The following MAP3K13 variants were observed in gnomAD, a reference collection of about 807,000 sequenced individuals.
MAP3K13 encodes the protein leucine zipper-bearing kinase.
Under a neutral mutation model 104.0 loss-of-function variants are expected in MAP3K13, and 52 were observed. The observed-to-expected ratio is 0.50, with a 90% CI of 0.40 to 0.63. The LOEUF is 0.63. Among genes scored for constraint, MAP3K13 ranks in the 20% least tolerant of loss-of-function variants. MAP3K13 has a pLI of 0.00. For synonymous variants in MAP3K13, 394 were observed against 442.2 expected (o/e 0.89, Z 1.37); for missense variants, 914 against 1,218.5 (o/e 0.75, Z 3.72).
At chr3:185,319,628 GGCTAGATACCA>G (rs1721790500) in intron 2 of MAP3K13, among the ~76,000 whole-genome samples, 1 of 152,148 alleles carries the variant, frequency 6.6e-6, no homozygotes, top group South Asian at 2.1e-4. Flanking sequence ...AGTCCTTCTA[GGCTAGATACCA>G]AATTGCATGG....
At chr3:185,306,711 T>A (rs1350849514) in intron 2 of MAP3K13, among the ~76,000 whole-genome samples, 4 of 152,184 alleles carry the variant, frequency 2.6e-5, no homozygotes, top group Non-Finnish European at 4.4e-5. Context: ...TTTGTGAATA[T>A]TTTCTCCCAT....
intron 13 of MAP3K13, among the ~76,000 whole-genome samples, chr3:185,481,042 G>A (rs1013755056): frequency 6.6e-6 from 1 of 152,176 alleles, no homozygotes; most frequent in Non-Finnish European, 1.5e-5. Flanking sequence ...GTAAGTAGAC[G>A]TACAGAGATC....
chr3:185,347,806 C>T (rs1321072111), intron 2 of MAP3K13, among the ~76,000 whole-genome samples: 4 of 151,924 alleles, frequency 2.6e-5, no homozygotes, highest in Non-Finnish European at 5.9e-5. Flanking sequence ...GTCAGGAGTT[C>T]GAGAACAGCC....
chr3:185,469,821 A>G (rs1352950057), intron 10 of MAP3K13, among the ~76,000 whole-genome samples: 1 of 152,202 alleles, frequency 6.6e-6, no homozygotes, highest in Non-Finnish European at 1.5e-5. Flanking sequence ...TGTGCCTTCA[A>G]GTTTGAACTC....
intron 1 of MAP3K13, among the ~76,000 whole-genome samples, chr3:185,391,898 T>G (rs1023408493): frequency 4.6e-5 from 7 of 152,142 alleles, no homozygotes; most frequent in African/African-American, 1.7e-4. Context: ...TCTATTTAAG[T>G]ATAACCTGTG....
At chr3:185,455,016 T>TGA (rs1208622133) in intron 7 of MAP3K13, among the ~76,000 whole-genome samples, 1 of 75,800 alleles carries the variant, frequency 1.3e-5, no homozygotes, top group African/African-American at 4.7e-5. Flanking sequence ...GAGATATATA[T>TGA]GATATATATG....
At chr3:185,460,925 T>G (rs1463841020) in intron 7 of MAP3K13, among the ~76,000 whole-genome samples, 1 of 152,242 alleles carries the variant, frequency 6.6e-6, no homozygotes, top group Non-Finnish European at 1.5e-5. Flanking sequence ...AGGGAGGTAC[T>G]CCTTTTCTCG....
intron 3 of MAP3K13, among the ~76,000 whole-genome samples, chr3:185,441,903 T>C (rs1715342501): frequency 6.6e-6 from 1 of 152,010 alleles, no homozygotes. Context: ...TAGCTGGGTG[T>C]GGTGGTGGGC....
rs760704918 is a variant in MAP3K13, at chr3:185,454,524, CAT to C, written c.1278+3136_1278+3137del. Among the ~76,000 whole-genome samples, 254 of 32,356 alleles carry C rather than the reference CAT, an allele frequency of 7.9e-3. 8 individuals carry two copies. Among genetic ancestry groups the C allele is most frequent in the African/African-American group, 0.018 (235 of 12,718 alleles). The allele number at this position is 32,356 out of a possible 152,430, so 21.2% of individuals were successfully genotyped here. On this transcript the variant is annotated intron_variant, in intron 7 of 13. Coordinates refer to ENST00000265026, the MANE Select transcript of MAP3K13 (RefSeq NM_004721.5). ...TATATGAGATATATATGATATATAC[CAT>C]ATATATGAGATATATATATGATATA... is the stretch of plus-strand genomic sequence containing the variant.
At chr3:185,345,154 A>AC (rs1237661525) in intron 2 of MAP3K13, among the ~76,000 whole-genome samples, 3 of 152,066 alleles carry the variant, frequency 2.0e-5, no homozygotes, top group Non-Finnish European at 4.4e-5. Flanking sequence ...GAGCCACTGC[A>AC]CCCGGCCCCA....
At chr3:185,314,758 C>G (rs959544663) in intron 2 of MAP3K13, among the ~76,000 whole-genome samples, 3 of 152,178 alleles carry the variant, frequency 2.0e-5, no homozygotes, top group African/African-American at 7.2e-5. Flanking sequence ...CTGCCTCAGC[C>G]TCCCAAGTAG....
intron 2 of MAP3K13, among the ~76,000 whole-genome samples, chr3:185,352,023 G>A (rs562408106): frequency 2.6e-5 from 4 of 152,260 alleles, no homozygotes; most frequent in African/African-American, 9.6e-5. Flanking sequence ...AACAAGACCC[G>A]GAAGTTGCAA....
intron 2 of MAP3K13, among the ~76,000 whole-genome samples, chr3:185,316,099 ATTATT>A (rs1416206488): frequency 6.6e-6 from 1 of 152,172 alleles, no homozygotes; most frequent in African/African-American, 2.4e-5. Context: ...TTGAAAAAAA[ATTATT>A]TTATTGGAAT....
At chr3:185,434,885 G>A (rs1282565358) in intron 2 of MAP3K13, among the ~76,000 whole-genome samples, 1 of 152,172 alleles carries the variant, frequency 6.6e-6, no homozygotes, top group Non-Finnish European at 1.5e-5. Flanking sequence ...GCTGTTCAAA[G>A]ACGTACTGCT....
intron 2 of MAP3K13, among the ~76,000 whole-genome samples, chr3:185,355,968 G>C (rs542253436): frequency 6.6e-6 from 1 of 152,250 alleles, no homozygotes; most frequent in East Asian, 1.9e-4. Context: ...TCATTTAAGT[G>C]AACATTTAAG....
At chr3:185,465,670 C>A in intron 8 of MAP3K13, 77 bp from the exon 9 acceptor site, 1 of 943,294 alleles carries the variant, frequency 1.1e-6, no homozygotes, top group Non-Finnish European at 1.7e-6. Flanking sequence ...ATCAATCATC[C>A]TGTTTCTTAT....
At chr3:185,462,232 G>A (rs1022809566) in intron 7 of MAP3K13, among the ~76,000 whole-genome samples, 4 of 152,136 alleles carry the variant, frequency 2.6e-5, no homozygotes, top group Non-Finnish European at 5.9e-5. Context: ...TTGCCTGTAG[G>A]CCATATTCCA....
chr3:185,297,272 G>T (rs1370407402), intron 2 of MAP3K13, among the ~76,000 whole-genome samples: 1 of 152,180 alleles, frequency 6.6e-6, no homozygotes. Context: ...TCATGTCCAG[G>T]ACATTCCCAA....
chr3:185,455,659 T>G (rs1438505951), intron 7 of MAP3K13, among the ~76,000 whole-genome samples: 2 of 21,626 alleles, frequency 9.2e-5, no homozygotes, highest in African/African-American at 2.2e-4. Flanking sequence ...ATATATATGA[T>G]ATATATATGA....
Sources: allele counts gnomAD v4.1 joint callset (sites outside exome capture counted in the v4.1 genomes callset), GRCh38; gene constraint gnomAD v4.1.1; transcripts MANE v1.5; gene names NCBI Gene and HGNC (gene_info 2026-07-23, HGNC 2026-07-21).